FBXO36: variants seen among roughly 807,000 people sequenced by gnomAD.
FBXO36 encodes the protein F-box protein 36, also known as F-box only protein 36.
A neutral mutation model predicts 17.0 loss-of-function variants in FBXO36; 18 were observed. The ratio of observed to expected loss-of-function variants is 1.06; its 90% CI spans 0.73 to 1.57. The LOEUF (loss-of-function observed/expected upper bound fraction) is 1.57. Among genes scored for constraint, FBXO36 ranks in the 40% most tolerant of loss-of-function variants. The pLI, the probability that FBXO36 is intolerant of heterozygous loss-of-function variation, is 0.00. For missense variants in FBXO36, 229 were observed against 221.9 expected, an observed-to-expected ratio of 1.03 and a Z score of -0.20; for synonymous variants, 83 against 85.3, an observed-to-expected ratio of 0.97 and a Z score of 0.15.
At chr2:229,945,393 A>G (rs1022174363) in intron 1 of FBXO36, among the ~76,000 whole-genome samples, 4 of 151,728 alleles carry the variant, frequency 2.6e-5, no homozygotes, top group African/African-American at 9.7e-5. Context: ...TGCAACCTCC[A>G]CCTCCCAGGT....
intron 2 of FBXO36, among the ~76,000 whole-genome samples, chr2:229,988,505 CTTTGT>C (rs757013152): frequency 3.3e-5 from 5 of 151,992 alleles, no homozygotes; most frequent in Admixed American, 6.6e-5. Context: ...TGGAGATATT[CTTTGT>C]TTTGTTTTGT....
intron 1 of FBXO36, among the ~76,000 whole-genome samples, chr2:229,929,687 A>AT (rs2076929585): frequency 6.6e-6 from 1 of 151,318 alleles, no homozygotes; most frequent in Non-Finnish European, 1.5e-5. Flanking sequence ...CCTGGCCAAC[A>AT]TTCTACTAAA....
At chr2:229,927,632 T>C (rs2076919942) in intron 1 of FBXO36, among the ~76,000 whole-genome samples, 1 of 152,006 alleles carries the variant, frequency 6.6e-6, no homozygotes, top group Admixed American at 6.6e-5. Flanking sequence ...CACCAATATG[T>C]TATAGTTAAC....
rs1164352175 is a variant in FBXO36 at position 229,976,221 on chromosome 2, C to G, written c.97-20C>G. 1 of 1,546,448 alleles carries G rather than the reference C, an allele frequency of 6.5e-7. No homozygotes were observed. Among genetic ancestry groups the G allele is most frequent in the Non-Finnish European group, 8.8e-7 (1 of 1,138,334 alleles). ...TATTGAAATCAATTTTAATTCATAT[C>G]ACTTTGTATTTAATTATAGGTAATC... On this transcript the variant is annotated intron_variant, in intron 1 of 3. Transcript: ENST00000283946.
chr2:230,005,646 A>T (rs973848214), intron 3 of FBXO36, among the ~76,000 whole-genome samples: 1 of 152,162 alleles, frequency 6.6e-6, no homozygotes, highest in Non-Finnish European at 1.5e-5. Flanking sequence ...AGACTATAAC[A>T]TTCATTCATT....
intron 2 of FBXO36, among the ~76,000 whole-genome samples, chr2:229,986,839 A>G (rs2077271008): frequency 6.6e-6 from 1 of 152,052 alleles, no homozygotes; most frequent in Non-Finnish European, 1.5e-5. Flanking sequence ...CCGGCCAAAA[A>G]GAAGAATCTT....
chr2:229,973,794 C>T (rs2077193527), intron 1 of FBXO36, among the ~76,000 whole-genome samples: 1 of 151,712 alleles, frequency 6.6e-6, no homozygotes. Context: ...TGACTATAAT[C>T]CCAGCACATT....
At chr2:229,926,049 G>A (rs1462953594) in intron 1 of FBXO36, among the ~76,000 whole-genome samples, 2 of 151,540 alleles carry the variant, frequency 1.3e-5, no homozygotes, top group Non-Finnish European at 2.9e-5. Context: ...CAGAATTTTG[G>A]GAGGCTCAGG....
At chr2:229,939,363 C>A in intron 1 of FBXO36, 1 of 632,722 alleles carries the variant, frequency 1.6e-6, no homozygotes, top group Non-Finnish European at 2.0e-6. Flanking sequence ...TTCCTCCTGT[C>A]TAAAACTGTA....
chr2:229,985,658 C>G (rs544255767), intron 2 of FBXO36, among the ~76,000 whole-genome samples: 1 of 152,154 alleles, frequency 6.6e-6, no homozygotes, highest in South Asian at 2.1e-4. Flanking sequence ...GAAGGCAAAT[C>G]CAAATAAAAT....
At chr2:229,924,769 C>A (rs1338262471) in intron 1 of FBXO36, among the ~76,000 whole-genome samples, 7 of 145,386 alleles carry the variant, frequency 4.8e-5, no homozygotes, top group African/African-American at 1.8e-4. Flanking sequence ...TCTAACTACT[C>A]TTTTTTTTTT....
chr2:229,938,633 C>A, intron 1 of FBXO36, among the ~76,000 whole-genome samples: 1 of 148,228 alleles, frequency 6.7e-6, no homozygotes, highest in East Asian at 2.0e-4. Context: ...TACAGGCACC[C>A]GCCATCATTC....
intron 3 of FBXO36, among the ~76,000 whole-genome samples, chr2:229,997,348 T>G (rs2077332613): frequency 6.6e-6 from 1 of 150,696 alleles, no homozygotes; most frequent in Admixed American, 6.7e-5. Flanking sequence ...GAGGCCGAGG[T>G]GGGTGGATCA....
At chr2:229,979,388 G>T (rs1481136650) in intron 2 of FBXO36, among the ~76,000 whole-genome samples, 3 of 151,636 alleles carry the variant, frequency 2.0e-5, no homozygotes, top group Non-Finnish European at 4.4e-5. Flanking sequence ...TTTGTTTTAT[G>T]TATGTGTGTG....
intron 1 of FBXO36, among the ~76,000 whole-genome samples, chr2:229,934,069 A>G (rs1195515191): frequency 6.6e-6 from 1 of 151,832 alleles, no homozygotes; most frequent in Non-Finnish European, 1.5e-5. Flanking sequence ...ACAAAATTAT[A>G]TTTCCTTCTT....
At chr2:229,990,097 T>C (rs2077290859) in intron 2 of FBXO36, among the ~76,000 whole-genome samples, 1 of 151,934 alleles carries the variant, frequency 6.6e-6, no homozygotes, top group African/African-American at 2.4e-5. Flanking sequence ...TTTCTGTTCC[T>C]CATTTCCTAG....
At chr2:229,937,252 T>C (rs2076968767) in intron 1 of FBXO36, among the ~76,000 whole-genome samples, 2 of 152,114 alleles carry the variant, frequency 1.3e-5, no homozygotes, top group Non-Finnish European at 2.9e-5. Context: ...CCCAGCACTT[T>C]AGGAGGCTGA....
At chr2:229,935,446 G>A (rs1475362917) in intron 1 of FBXO36, among the ~76,000 whole-genome samples, 2 of 152,126 alleles carry the variant, frequency 1.3e-5, no homozygotes, top group Non-Finnish European at 2.9e-5. Flanking sequence ...CTGGGAGGTG[G>A]AGGTTGCAGC....
At position 229,951,911 on chromosome 2, in the gene FBXO36, G is replaced by T. The variant is rs148327054; in HGVS notation, c.97-24330G>T. 1.1e-3 allele frequency among the ~76,000 whole-genome samples: 163 copies of T among 152,266 alleles called. 2 individuals are homozygous for T. The East Asian group carries it at 0.015, about 14-fold the overall frequency. ...ACCCTGGAATGCTTTGGCCATTTGAGCCTGAGAATGAAACCTCATAAATAT... is the reference window on the plus strand; with the variant it reads ...ACCCTGGAATGCTTTGGCCATTTGATCCTGAGAATGAAACCTCATAAATAT... On this transcript the variant is annotated intron_variant, in intron 1 of 3. Transcript: ENST00000283946.
Sources: allele counts gnomAD v4.1 joint callset (sites outside exome capture counted in the v4.1 genomes callset), GRCh38; gene constraint gnomAD v4.1.1; transcripts MANE v1.5; gene names NCBI Gene and HGNC (gene_info 2026-07-23, HGNC 2026-07-21).